The following OSBPL2 variants were observed in gnomAD, a reference collection of about 807,000 sequenced individuals.
The protein encoded by OSBPL2 is oxysterol-binding protein-related protein 2.
In OSBPL2, 18 loss-of-function variants were observed where a neutral mutation model predicts 58.4. That is an observed-to-expected ratio of 0.31 (90% confidence interval 0.21 to 0.46). OSBPL2 has a LOEUF of 0.46. Among genes scored for constraint, OSBPL2 ranks in the 20% least tolerant of loss-of-function variants. The probability of loss-of-function intolerance (pLI) is 1.00; values close to 1 mark genes in which losing one functional copy is unlikely to be tolerated. For synonymous variants in OSBPL2, 221 were observed against 234.1 expected (o/e 0.94, Z 0.51); for missense variants, 461 against 616.5 (o/e 0.75, Z 2.67).
chr20:62,261,821 A>G (rs1482184134), intron 3 of OSBPL2, among the ~76,000 whole-genome samples: 1 of 152,162 alleles, frequency 6.6e-6, no homozygotes, highest in Non-Finnish European at 1.5e-5. Flanking sequence ...GCTGGAGTTC[A>G]GTGGCGTGAC....
chr20:62,240,684 T>A (rs1484570267), intron 1 of OSBPL2, among the ~76,000 whole-genome samples: 1 of 152,252 alleles, frequency 6.6e-6, no homozygotes, highest in Non-Finnish European at 1.5e-5. Flanking sequence ...AATATTCTAA[T>A]CATGCTGCAT....
chr20:62,279,934 C>G (rs1259494635), intron 7 of OSBPL2: 1 of 1,300,020 alleles, frequency 7.7e-7, no homozygotes, highest in Non-Finnish European at 1.0e-6. Context: ...GAATTTGAAA[C>G]AGCGTGGGAG....
intron 9 of OSBPL2, 79 bp downstream of exon 9, chr20:62,281,958 C>CCT: frequency 1.1e-6 from 1 of 871,356 alleles, no homozygotes; most frequent in Non-Finnish European, 1.9e-6. Flanking sequence ...GCTCCTGGGC[C>CCT]TGCGTGTGCC....
At chr20:62,279,126 A>T (rs752909215) in intron 6 of OSBPL2, 31 bp from the exon 7 acceptor site, 1 of 1,576,394 alleles carries the variant, frequency 6.3e-7, no homozygotes, top group East Asian at 2.3e-5. Context: ...GCTGCCATTA[A>T]TGTGTCTCTC....
chr20:62,263,095 T>TCTCCTGGTGCAAGCATGAGGGC (rs1981424778), intron 3 of OSBPL2, among the ~76,000 whole-genome samples: 1 of 151,732 alleles, frequency 6.6e-6, no homozygotes, highest in Non-Finnish European at 1.5e-5. Flanking sequence ...GGGGTGAGGG[T>TCTCCTGGTGCAAGCATGAGGGC]CTCCTGGTGC....
At chr20:62,253,183 G>A (rs1279736250) in intron 1 of OSBPL2, among the ~76,000 whole-genome samples, 2 of 152,260 alleles carry the variant, frequency 1.3e-5, no homozygotes, top group African/African-American at 2.4e-5. Context: ...TGATGGTCAC[G>A]CACCTGTGTG....
chr20:62,276,705 C>G (rs1164032081), intron 6 of OSBPL2, among the ~76,000 whole-genome samples: 1 of 152,226 alleles, frequency 6.6e-6, no homozygotes, highest in African/African-American at 2.4e-5. Context: ...CTGCAGGGAG[C>G]AGCCCTGCTT....
In OSBPL2 at chr20:62,266,815, C is replaced by T. The variant is rs768448038; in HGVS notation, c.258+3124C>T. Among the ~76,000 whole-genome samples, 3 of 152,170 alleles carry T rather than the reference C, an allele frequency of 2.0e-5. No individual in the cohort carries two copies. The East Asian group carries it at 5.8e-4, about 29-fold the overall frequency. On this transcript the variant is annotated intron_variant, in intron 4 of 13. Transcript: ENST00000313733. ...ACTTTAGAAAATAACTTTAGAAAGT[C>T]ATTTAATATCATCAGATACTCAATC...
In OSBPL2 at chr20:62,278,960, T is replaced by C. The variant is rs910888102; in HGVS notation, c.492-197T>C. On this transcript the variant is annotated intron_variant, in intron 6 of 13. Coordinates refer to ENST00000313733, the MANE Select transcript of OSBPL2 (RefSeq NM_144498.4). Reference sequence around the variant, plus strand: ...ACGTTAGGCCAAGTGCGATGTCATGTTTGTGTGTGTGTCTGTTGCCAACGT... The same window carrying C: ...ACGTTAGGCCAAGTGCGATGTCATGCTTGTGTGTGTGTCTGTTGCCAACGT... The C allele has an allele frequency of 2.2e-4, 119 of 550,892 alleles. 1 individual carries two copies. The highest frequency in any genetic ancestry group is 3.2e-5 in the Non-Finnish European group (10 of 311,560). The allele number at this position is 550,892 out of a possible 1,614,324, so 34.1% of individuals were successfully genotyped here.
At chr20:62,248,492 G>T (rs995615641) in intron 1 of OSBPL2, among the ~76,000 whole-genome samples, 2 of 152,124 alleles carry the variant, frequency 1.3e-5, no homozygotes, top group Non-Finnish European at 1.5e-5. Context: ...TTTAACCTCA[G>T]AAGTGATTTT....
chr20:62,251,120 C>T (rs1299485053), intron 1 of OSBPL2, among the ~76,000 whole-genome samples: 16 of 146,284 alleles, frequency 1.1e-4, no homozygotes, highest in Non-Finnish European at 1.7e-4. Flanking sequence ...CTCGGCTCAC[C>T]GCAAGCTCTG....
At chr20:62,247,954 C>T (rs761705374) in intron 1 of OSBPL2, among the ~76,000 whole-genome samples, 2 of 151,532 alleles carry the variant, frequency 1.3e-5, no homozygotes, top group Admixed American at 6.6e-5. Flanking sequence ...TGAGCCACTA[C>T]GCCCGGCCCC....
intron 11 of OSBPL2, 107 bp from the exon 12 acceptor site, chr20:62,289,100 C>T: frequency 7.9e-7 from 1 of 1,272,166 alleles, no homozygotes; most frequent in Non-Finnish European, 1.1e-6. Context: ...CCCATGGTGG[C>T]AGTCAGGTAG....
chr20:62,284,494 A>T (rs1982991244), intron 10 of OSBPL2: 1 of 328,918 alleles, frequency 3.0e-6, no homozygotes, highest in Non-Finnish European at 5.8e-6. Context: ...CTCCCTCCTT[A>T]GCCTCCCAAG....
chr20:62,292,737 G>A (rs1376181616), intron 13 of OSBPL2, among the ~76,000 whole-genome samples: 1 of 152,120 alleles, frequency 6.6e-6, no homozygotes, highest in East Asian at 1.9e-4. Context: ...GATACCCGGT[G>A]GCTTACATGT....
intron 1 of OSBPL2, among the ~76,000 whole-genome samples, chr20:62,244,832 G>A (rs1008562800): frequency 4.6e-5 from 7 of 152,236 alleles, no homozygotes; most frequent in Non-Finnish European, 8.8e-5. Context: ...GGACCAAGCC[G>A]GGCTCACCTT....
Position 62,251,865 on chromosome 20 carries a change from C to CTTTTTTTTTTTTTTTTTTTTTTTTTTTT in OSBPL2, c.-128-4188_-128-4161dup, listed in dbSNP as rs147891445. Among the ~76,000 whole-genome samples the CTTTTTTTTTTTTTTTTTTTTTTTTTTTT allele has an allele frequency of 7.2e-5, 3 of 41,738 alleles. 1 individual carries two copies. The highest frequency in any genetic ancestry group is 1.2e-4 in the Non-Finnish European group (3 of 25,256). 27.4% of individuals were successfully genotyped at this position (41,738 alleles called of 152,430 possible). ...TCAAGCGTCATTTTAATTGGTATGC[C>CTTTTTTTTTTTTTTTTTTTTTTTTTTTT]TTTTTTTTTTTTTTTTTTTTTTTTT... On this transcript the variant is annotated intron_variant, in intron 1 of 13. Transcript: ENST00000313733.
intron 1 of OSBPL2, among the ~76,000 whole-genome samples, chr20:62,251,844 G>T (rs950406282): frequency 8.1e-6 from 1 of 122,850 alleles, no homozygotes; most frequent in South Asian, 2.7e-4. Context: ...CCTGTTTCAA[G>T]CGTCATTTTA....
Position 62,284,091 on chromosome 20 carries a change from G to C in OSBPL2, c.918G>C (p.Leu306Phe). ...TCTATGGCAAATGGACGGAATGTTT[G>C]TGGGGCATAGATCCTGTTTCGTATG... ...FMIYGKWTEC[L>F]WGIDPVSYES... is the part of the protein sequence containing the mutation. Residue 306 changes from leucine (L) to phenylalanine (F), a missense_variant, in exon 10 of 14, where the codon TTG becomes TTC. Leu to Phe is a conservative substitution (Grantham distance 22). This residue lies in a region of OSBPL2 where 319 missense variants were observed against 419.2 expected (regional missense o/e 0.76). Transcript: ENST00000313733. The C allele has an allele frequency of 6.2e-7, 1 of 1,614,082 alleles. No individual in the cohort carries two copies. Among genetic ancestry groups the C allele is most frequent in the Non-Finnish European group, 8.5e-7 (1 of 1,179,928 alleles).
Sources: allele counts gnomAD v4.1 joint callset (sites outside exome capture counted in the v4.1 genomes callset), GRCh38; gene constraint gnomAD v4.1.1; regional missense constraint gnomAD v4.1.1; transcripts MANE v1.5; gene names NCBI Gene and HGNC (gene_info 2026-07-23, HGNC 2026-07-21).